The following TICRR variants were observed in gnomAD, a reference collection of about 807,000 sequenced individuals.
TICRR encodes TOPBP1 interacting checkpoint and replication regulator.
In TICRR, 132 loss-of-function variants were observed where a neutral mutation model predicts 178.1. That is an observed-to-expected ratio of 0.74 (90% CI 0.64 to 0.86). The LOEUF is 0.86. Among genes scored for constraint, TICRR ranks in the 40% least tolerant of loss-of-function variants. The pLI, the probability that TICRR is intolerant of heterozygous loss-of-function variation, is 0.00. For synonymous variants in TICRR, 991 were observed against 900.7 expected (o/e 1.10, Z -1.79); for missense variants, 2,587 against 2,334.3 (o/e 1.11, Z -2.23).
At chr15:89,607,445 T>C (rs1307807307) in intron 14 of TICRR, among the ~76,000 whole-genome samples, 1 of 152,146 alleles carries the variant, frequency 6.6e-6, no homozygotes, top group Admixed American at 6.5e-5. Context: ...TGGTGAACTT[T>C]AGTGATGGGC....
chr15:89,608,574 C>A (rs965199884), intron 14 of TICRR, among the ~76,000 whole-genome samples: 1 of 152,174 alleles, frequency 6.6e-6, no homozygotes, highest in African/African-American at 2.4e-5. Context: ...CATTGGACCC[C>A]TACCTCATGC....
At chr15:89,577,876 G>T (rs1164460003) in intron 1 of TICRR, among the ~76,000 whole-genome samples, 1 of 151,970 alleles carries the variant, frequency 6.6e-6, no homozygotes, top group African/African-American at 2.4e-5. Context: ...CTCCCAAAGT[G>T]CTAGGATTAC....
In TICRR at chr15:89,624,085, G is replaced by C. The variant is rs200572844; in HGVS notation, c.3775G>C (p.Gly1259Arg). The C allele has an allele frequency of 1.9e-6, 3 of 1,613,748 alleles. No individual in the cohort carries two copies. The highest frequency in any genetic ancestry group is 2.2e-5 in the South Asian group (2 of 91,048). The change falls in exon 20 of 22, where the codon GGC becomes CGC. Residue 1259 changes from glycine to arginine, a missense_variant. Transcript: ENST00000268138. ...RTPPRAAAFM[G>R]TPQNQTHQQP... Reference sequence around the variant, plus strand: ...ACCTCCGAGAGCAGCAGCCTTCATGGGCACGCCTCAGAATCAAACACACCA... The same window carrying C: ...ACCTCCGAGAGCAGCAGCCTTCATGCGCACGCCTCAGAATCAAACACACCA...
chr15:89,620,805 C>T (rs1963411635), intron 18 of TICRR, among the ~76,000 whole-genome samples: 1 of 152,088 alleles, frequency 6.6e-6, no homozygotes, highest in Non-Finnish European at 1.5e-5. Context: ...TCACTGCAAG[C>T]TCTGCCTCCC....
chr15:89,601,410 G>A lies in TICRR; in HGVS notation c.2247+19G>A. 8.1e-6 allele frequency: 13 copies of A among 1,613,572 alleles called. No homozygotes were observed. The highest frequency in any genetic ancestry group is 9.3e-6 in the Non-Finnish European group (11 of 1,179,494). On this transcript the variant is annotated intron_variant, in intron 10 of 21. Coordinates refer to ENST00000268138, the MANE Select transcript of TICRR (RefSeq NM_152259.4). ...GGAGGAGGCAAGTATATAGTTTCGTGCCATTGAAATACGCCCTAGATGCTT... is the reference window on the plus strand; with the variant it reads ...GGAGGAGGCAAGTATATAGTTTCGTACCATTGAAATACGCCCTAGATGCTT...
At chr15:89,577,763 C>G (rs1962651740) in intron 1 of TICRR, among the ~76,000 whole-genome samples, 1 of 151,958 alleles carries the variant, frequency 6.6e-6, no homozygotes. Context: ...CGGGCGCCAC[C>G]AGGCCTGGCT....
Position 89,584,331 on chromosome 15 carries a change from T to C in TICRR, c.980T>C (p.Leu327Ser). The C allele has an allele frequency of 6.2e-7, 1 of 1,614,172 alleles. No homozygotes were observed. The highest frequency in any genetic ancestry group is 8.5e-7 in the Non-Finnish European group (1 of 1,180,024). The change falls in exon 3 of 22, where the codon TTG (leucine) becomes TCG (serine). Residue 327 changes from leucine to serine, a missense_variant. By Grantham distance (145) the Leu-to-Ser change is moderately radical (BLOSUM62 -2). Transcript: ENST00000268138. ...QETWTVTLEP[L>S]AMHQRHFQKP... is the part of the protein sequence containing the mutation. ...ACATGGACAGTCACCCTAGAGCCCTTGGCCATGCATCAGAGACATTTTCAG... is the reference window on the plus strand; with the variant it reads ...ACATGGACAGTCACCCTAGAGCCCTCGGCCATGCATCAGAGACATTTTCAG...
At chr15:89,623,002 C>T (rs1963451646) in intron 19 of TICRR, among the ~76,000 whole-genome samples, 1 of 152,272 alleles carries the variant, frequency 6.6e-6, no homozygotes, top group South Asian at 2.1e-4. Flanking sequence ...ACTGAGAGTC[C>T]CCTGACGGGA....
intron 1 of TICRR, among the ~76,000 whole-genome samples, chr15:89,581,137 C>G (rs913907900): frequency 1.4e-4 from 21 of 152,314 alleles, no homozygotes; most frequent in African/African-American, 5.1e-4. Flanking sequence ...CCCTGCTTGT[C>G]TTTGAACTTG....
Position 89,594,211 on chromosome 15 carries a change from A to C in TICRR, c.1542-204A>C, listed in dbSNP as rs145710967. ...GTAATGGTTAATGGTTTTGTGAACA[A>C]GACAGCTTTGGTTCCTGCATTCGTT... On this transcript the variant is annotated intron_variant, in intron 5 of 21. Coordinates refer to ENST00000268138, the MANE Select transcript of TICRR (RefSeq NM_152259.4). Among the ~76,000 whole-genome samples the C allele has an allele frequency of 9.9e-4, 151 of 152,372 alleles. 1 individual carries two copies. The highest frequency in any genetic ancestry group is 3.2e-3 in the African/African-American group (133 of 41,590).
At chr15:89,595,976 G>C (rs1962992059) in intron 7 of TICRR, among the ~76,000 whole-genome samples, 1 of 152,024 alleles carries the variant, frequency 6.6e-6, no homozygotes, top group Admixed American at 6.6e-5. Flanking sequence ...AGTTTGAATG[G>C]GACAGAACAC....
intron 15 of TICRR, among the ~76,000 whole-genome samples, chr15:89,610,809 T>C (rs1316615926): frequency 1.3e-5 from 2 of 152,180 alleles, no homozygotes; most frequent in Admixed American, 6.5e-5. Flanking sequence ...TTTAATTCCA[T>C]TCTTTCTTTT....
At chr15:89,591,945 T>C (rs1962919651) in intron 4 of TICRR, 102 bp from the exon 5 acceptor site, 2 of 1,023,776 alleles carry the variant, frequency 2.0e-6, no homozygotes, top group Admixed American at 2.6e-5. Context: ...GTATGTCCTT[T>C]GGAGGGATGC....
In TICRR at chr15:89,601,364, A is replaced by C. The variant is rs532983529; in HGVS notation, c.2220A>C (p.Thr740=). 6.7e-5 allele frequency: 108 copies of C among 1,614,228 alleles called. No homozygotes were observed. In the South Asian group the frequency reaches 1.2e-3, roughly 17 times the overall value. The change falls in exon 10 of 22, where the codon ACA becomes ACC. Residue 740 remains threonine (T), a synonymous_variant. Coordinates refer to ENST00000268138, the MANE Select transcript of TICRR (RefSeq NM_152259.4). ...AATGCCCTTCAATAAATGAAAGTACAGATGATATGGAACAAGTAGTGGAGG... is the reference window on the plus strand; with the variant it reads ...AATGCCCTTCAATAAATGAAAGTACCGATGATATGGAACAAGTAGTGGAGG... ...CLQCPSINES[T]DDMEQVVEEV...
rs760499981 is a variant in TICRR at position 89,624,331 on chromosome 15, A to T, written c.4021A>T (p.Lys1341Ter). The T allele has an allele frequency of 6.2e-7, 1 of 1,614,180 alleles. No homozygotes were observed. Among genetic ancestry groups the T allele is most frequent in the Non-Finnish European group, 8.5e-7 (1 of 1,180,036 alleles). ...ECPSPGELDQKEPQMSPSVAA... is the reference protein window; with the variant it reads ...ECPSPGELDQ ...TCCTTCCCCAGGAGAACTGGATCAG[A>T]AAGAGCCCCAGATGTCACCCAGCGT... The change falls in exon 20 of 22, where the codon AAA (lysine) becomes TAA (stop). Residue 1341 changes from lysine (K) to a stop codon, truncating the protein, a stop_gained. Transcript: ENST00000268138. LOFTEE classifies it high-confidence loss of function.
chr15:89,602,088 C>T, intron 12 of TICRR, 112 bp downstream of exon 12: 1 of 1,328,054 alleles, frequency 7.5e-7, no homozygotes, highest in African/African-American at 1.5e-5. Flanking sequence ...GAACTAATAG[C>T]TGCCCTTATG....
chr15:89,601,900 G>A lies in TICRR; in HGVS notation c.2491G>A (p.Ala831Thr). 6.2e-7 allele frequency: 1 copy of A among 1,614,086 alleles called. No homozygotes were observed. Among genetic ancestry groups the A allele is most frequent in the Non-Finnish European group, 8.5e-7 (1 of 1,180,004 alleles). ...PLLSVPFLSS[A>T]RRSVSGSPES... ...TCTTTCTGTGCCTTTTTTGTCAAGT[G>A]CTCGTAGATCAGTGTCAGGCAGCCC... The change falls in exon 12 of 22, where the codon GCT becomes ACT. Residue 831 changes from alanine (A) to threonine (T), a missense_variant. Coordinates refer to ENST00000268138, the MANE Select transcript of TICRR (RefSeq NM_152259.4).
rs1438372687 is a variant in TICRR, at chr15:89,592,122, G to A, written c.1487G>A (p.Trp496Ter). The A allele has an allele frequency of 6.2e-7, 1 of 1,612,514 alleles. No individual in the cohort carries two copies. Among genetic ancestry groups the A allele is most frequent in the Non-Finnish European group, 8.5e-7 (1 of 1,178,696 alleles). The change falls in exon 5 of 22, where the codon TGG (tryptophan) becomes TAG (stop). Residue 496 changes from tryptophan to a stop codon, truncating the protein, a stop_gained. Transcript: ENST00000268138. LOFTEE classifies it high-confidence loss of function. ...TGGAGTCCAGCTGTTGTGGAAAAGT[G>A]GTTTCCTTTCTGTAACATCAGTGGT... is the stretch of plus-strand genomic sequence containing the variant. The part of the protein sequence containing the change: ...TPWSPAVVEK[W>*]FPFCNISGAS...
At position 89,625,587 on chromosome 15, in the gene TICRR, C is replaced by T. The variant is rs533877882; in HGVS notation, c.5277C>T (p.Ala1759=). The change falls in exon 20 of 22, where the codon GCC becomes GCT. Residue 1759 remains alanine (A), a synonymous_variant. Coordinates refer to ENST00000268138, the MANE Select transcript of TICRR (RefSeq NM_152259.4). ...QSPPRNSMPK[A]EEASSWGQFG... is the part of the protein sequence containing the mutation. ...CTCCCAGGAACAGCATGCCTAAGGC[C>T]GAGGAAGCCTCTTCCTGGGGACAGT... 2.0e-5 allele frequency: 33 copies of T among 1,612,886 alleles called. No homozygotes were observed. The highest frequency in any genetic ancestry group is 1.6e-4 in the Middle Eastern group (1 of 6,062).
Sources: gnomAD v4.1 joint callset for allele counts (sites outside exome capture counted in the v4.1 genomes callset) on GRCh38, gnomAD v4.1.1 for gene constraint, MANE v1.5 for transcripts, NCBI Gene and HGNC (gene_info 2026-07-23, HGNC 2026-07-21) for gene names.